RNF180: variants seen among roughly 807,000 people sequenced by gnomAD.
RNF180 encodes ring finger protein 180.
Under a neutral mutation model 59.2 loss-of-function variants are expected in RNF180, and 38 were observed. The observed-to-expected ratio is 0.64, with a 90% CI of 0.50 to 0.84. The LOEUF is 0.84. Ranked by LOEUF, RNF180 falls within the 40% of genes least tolerant of loss-of-function variation. RNF180 has a pLI of 0.00. For missense variants in RNF180, 705 were observed against 700.9 expected, an observed-to-expected ratio of 1.01 and a Z score of -0.07; for synonymous variants, 262 against 240.3, an observed-to-expected ratio of 1.09 and a Z score of -0.84.
intron 5 of RNF180, among the ~76,000 whole-genome samples, chr5:64,267,881 C>T (rs1266351070): frequency 6.6e-6 from 1 of 151,988 alleles, no homozygotes; most frequent in Non-Finnish European, 1.5e-5. Flanking sequence ...TTTCTGGTGA[C>T]AGTGTCACAG....
intron 5 of RNF180, chr5:64,217,697 C>T (rs1438824403): frequency 8.6e-6 from 2 of 232,800 alleles, no homozygotes; most frequent in Non-Finnish European, 1.6e-5. Flanking sequence ...GTCTATAATC[C>T]CAGCACTTTT....
chr5:64,309,731 A>T (rs1206654276), intron 5 of RNF180, among the ~76,000 whole-genome samples: 1 of 151,520 alleles, frequency 6.6e-6, no homozygotes, highest in Non-Finnish European at 1.5e-5. Context: ...TTATAAACAA[A>T]ATAGGGATTT....
chr5:64,287,829 GTT>G (rs1272295249), intron 5 of RNF180, among the ~76,000 whole-genome samples: 72 of 152,064 alleles, frequency 4.7e-4, no homozygotes, highest in African/African-American at 1.6e-3. Flanking sequence ...GATTGCAAAA[GTT>G]TTCTCCCATT....
chr5:64,355,813 T>A (rs1745995117), intron 7 of RNF180, among the ~76,000 whole-genome samples: 1 of 151,916 alleles, frequency 6.6e-6, no homozygotes, highest in Non-Finnish European at 1.5e-5. Context: ...GTCTCTTTGA[T>A]AAATAGTGCT....
At chr5:64,215,948 C>G (rs1008232958) in intron 4 of RNF180, among the ~76,000 whole-genome samples, 1 of 151,892 alleles carries the variant, frequency 6.6e-6, no homozygotes, top group East Asian at 1.9e-4. Flanking sequence ...TAGGAATACT[C>G]TTATACACAG....
intron 7 of RNF180, among the ~76,000 whole-genome samples, chr5:64,367,056 G>C (rs1378193713): frequency 6.6e-6 from 1 of 151,436 alleles, no homozygotes; most frequent in Non-Finnish European, 1.5e-5. Flanking sequence ...CCAGAGAATA[G>C]AATGACATAT....
chr5:64,174,959 C>CTTTTTTTT lies in RNF180; in HGVS notation c.-1+9025_-1+9032dup, dbSNP rs370660214. Among the ~76,000 whole-genome samples, 22 of 84,754 alleles carry CTTTTTTTT rather than the reference C, an allele frequency of 2.6e-4. 3 individuals are homozygous for CTTTTTTTT. The highest frequency in any genetic ancestry group is 9.9e-4 in the African/African-American group (20 of 20,292). The allele number at this position is 84,754 out of a possible 152,430, so 55.6% of individuals were successfully genotyped here. On this transcript the variant is annotated intron_variant, in intron 1 of 7. Transcript: ENST00000389100. ...TTACATTTAAGTCTTTAATCCAGTTCTTTTTTTTTTTTTTTTTTTTTTTTT... is the reference window on the plus strand; with the variant it reads ...TTACATTTAAGTCTTTAATCCAGTTCTTTTTTTTTTTTTTTTTTTTTTTTTTTTTTTTT...
intron 5 of RNF180, among the ~76,000 whole-genome samples, chr5:64,269,036 A>G (rs569283002): frequency 1.4e-4 from 22 of 152,112 alleles, no homozygotes; most frequent in Non-Finnish European, 2.6e-4. Flanking sequence ...ACCCTTGCTC[A>G]TACCATCCTT....
chr5:64,274,922 A>G (rs1741631386), intron 5 of RNF180, among the ~76,000 whole-genome samples: 1 of 152,054 alleles, frequency 6.6e-6, no homozygotes, highest in South Asian at 2.1e-4. Context: ...CTCCATATTG[A>G]CTAAAGAATT....
At chr5:64,359,458 C>G (rs1746159254) in intron 7 of RNF180, among the ~76,000 whole-genome samples, 1 of 151,996 alleles carries the variant, frequency 6.6e-6, no homozygotes, top group African/African-American at 2.4e-5. Context: ...TGTTCATGTC[C>G]TTCGCCCACT....
At chr5:64,202,213 T>G (rs959735525) in intron 2 of RNF180, among the ~76,000 whole-genome samples, 3 of 152,222 alleles carry the variant, frequency 2.0e-5, no homozygotes, top group Non-Finnish European at 1.5e-5. Context: ...TAGTCTAGGT[T>G]TGCTTGTTCT....
chr5:64,243,992 AG>A (rs1305758248), intron 5 of RNF180, among the ~76,000 whole-genome samples: 6 of 152,200 alleles, frequency 3.9e-5, no homozygotes, highest in Non-Finnish European at 8.8e-5. Context: ...GACCTGCAGC[AG>A]AGGGGCCTGA....
chr5:64,261,545 T>A (rs1452250042), intron 5 of RNF180, among the ~76,000 whole-genome samples: 2 of 152,208 alleles, frequency 1.3e-5, no homozygotes, highest in Non-Finnish European at 2.9e-5. Context: ...ATATTTTAAA[T>A]ATTTCCTATG....
intron 7 of RNF180, among the ~76,000 whole-genome samples, chr5:64,334,857 A>C (rs1209130020): frequency 6.6e-6 from 1 of 152,192 alleles, no homozygotes; most frequent in East Asian, 1.9e-4. Flanking sequence ...GTGTTTCTAT[A>C]AACACTCTTG....
intron 7 of RNF180, among the ~76,000 whole-genome samples, chr5:64,361,590 C>G (rs1033436249): frequency 1.3e-5 from 2 of 151,280 alleles, no homozygotes; most frequent in African/African-American, 4.8e-5. Context: ...AGTATGTGTC[C>G]TTATTATGTC....
chr5:64,366,256 G>A (rs1561283026), intron 7 of RNF180, among the ~76,000 whole-genome samples: 1 of 151,510 alleles, frequency 6.6e-6, no homozygotes, highest in Admixed American at 6.6e-5. Context: ...GAAATTCGTG[G>A]TTGAATTTCT....
intron 7 of RNF180, among the ~76,000 whole-genome samples, chr5:64,340,776 T>C (rs1333580089): frequency 1.3e-5 from 2 of 152,202 alleles, no homozygotes; most frequent in Non-Finnish European, 2.9e-5. Flanking sequence ...CTTATGAGTT[T>C]AGAATTTCAG....
intron 7 of RNF180, among the ~76,000 whole-genome samples, chr5:64,346,957 A>G (rs1234283965): frequency 6.6e-6 from 1 of 152,188 alleles, no homozygotes; most frequent in Non-Finnish European, 1.5e-5. Context: ...GCATATCTGA[A>G]CTATGATGAA....
intron 1 of RNF180, among the ~76,000 whole-genome samples, chr5:64,168,996 A>G (rs1264128536): frequency 6.6e-6 from 1 of 152,202 alleles, no homozygotes; most frequent in Non-Finnish European, 1.5e-5. Context: ...TCTGTTGGTT[A>G]ACATCAGATT....
Sources: allele counts gnomAD v4.1 joint callset (sites outside exome capture counted in the v4.1 genomes callset), GRCh38; gene constraint gnomAD v4.1.1; transcripts MANE v1.5; gene names NCBI Gene and HGNC (gene_info 2026-07-23, HGNC 2026-07-21).